The following MAP3K15 variants were observed in gnomAD, a reference collection of about 807,000 sequenced individuals.
MAP3K15 encodes the protein mitogen-activated protein kinase kinase kinase 15.
In MAP3K15, 124 loss-of-function variants were observed where a neutral mutation model predicts 99.5. That is an observed-to-expected ratio of 1.25 (90% CI 1.08 to 1.45). MAP3K15 has a LOEUF of 1.45. Ranked by LOEUF, MAP3K15 falls within the 40% of genes most tolerant of loss-of-function variation. The pLI is 0.00. For missense variants in MAP3K15, 1,242 were observed against 1,079.7 expected (o/e 1.15, Z -2.11); for synonymous variants, 494 against 439.6 (o/e 1.12, Z -1.55).
At chrX:19,498,255 T>G (rs905158711) in intron 1 of MAP3K15, among the ~76,000 whole-genome samples, 11 of 111,264 alleles carry the variant, frequency 9.9e-5, no homozygotes, top group African/African-American at 3.6e-4. Context: ...ACAAAGCACA[T>G]TTCATTCTAC....
chrX:19,512,812 G>A (rs1047551913), intron 1 of MAP3K15, among the ~76,000 whole-genome samples: 1 of 111,228 alleles, frequency 9.0e-6, no homozygotes, highest in African/African-American at 3.3e-5. Flanking sequence ...CATTTTTACC[G>A]TATTCTAATC....
intron 1 of MAP3K15, among the ~76,000 whole-genome samples, chrX:19,493,519 C>T (rs1277598941): frequency 1.8e-5 from 2 of 111,410 alleles, no homozygotes; most frequent in Non-Finnish European, 3.8e-5. Flanking sequence ...ATTCCTAAAA[C>T]ACGAATTTAG....
intron 9 of MAP3K15, among the ~76,000 whole-genome samples, chrX:19,417,470 T>A (rs942721868): frequency 2.7e-5 from 3 of 111,691 alleles, no homozygotes; most frequent in Non-Finnish European, 3.8e-5. Flanking sequence ...GAGATCAAAC[T>A]GCAAGGCGGC....
chrX:19,477,626 C>T (rs1488141803), intron 3 of MAP3K15, among the ~76,000 whole-genome samples: 2 of 89,017 alleles, frequency 2.2e-5, no homozygotes, highest in South Asian at 7.9e-4. Context: ...AGGAGAATCG[C>T]TTGAACCTGG....
At chrX:19,472,740 T>C (rs970688097) in intron 3 of MAP3K15, among the ~76,000 whole-genome samples, 2 of 112,330 alleles carry the variant, frequency 1.8e-5, no homozygotes, top group African/African-American at 3.2e-5. Context: ...AAATTGAAGA[T>C]ACAAGAATCT....
intron 9 of MAP3K15, 129 bp downstream of exon 9, chrX:19,425,402 G>A (rs1703972769): frequency 3.5e-6 from 2 of 564,358 alleles, no homozygotes; most frequent in South Asian, 8.9e-5. Context: ...AATTCTCAGA[G>A]CAGTTGTGTC....
At chrX:19,480,336 T>A (rs961643609) in intron 3 of MAP3K15, among the ~76,000 whole-genome samples, 15 of 110,281 alleles carry the variant, frequency 1.4e-4, no homozygotes, top group Non-Finnish European at 9.5e-5. Flanking sequence ...AAAACAATGT[T>A]GAAAAAGAAC....
At chrX:19,514,210 T>C (rs911117068) in intron 1 of MAP3K15, among the ~76,000 whole-genome samples, 2 of 109,528 alleles carry the variant, frequency 1.8e-5, no homozygotes, top group African/African-American at 6.7e-5. Context: ...GCTTATGTCA[T>C]TGGTCTGGGG....
intron 6 of MAP3K15, among the ~76,000 whole-genome samples, chrX:19,453,394 G>A (rs956348954): frequency 1.8e-5 from 2 of 109,403 alleles, no homozygotes; most frequent in Non-Finnish European, 3.8e-5. Flanking sequence ...CAGCTACTCA[G>A]GGGGCTAAGG....
chrX:19,377,023 G>T (rs184408709), intron 19 of MAP3K15: 2 of 111,866 alleles, frequency 1.8e-5, no homozygotes, highest in East Asian at 5.6e-4. Flanking sequence ...TGAGGTACTG[G>T]GGGTTAGGAC....
intron 9 of MAP3K15, among the ~76,000 whole-genome samples, chrX:19,419,301 G>T (rs1159451709): frequency 1.5e-4 from 16 of 110,329 alleles, no homozygotes; most frequent in East Asian, 2.8e-4. Context: ...CCCATCTCAC[G>T]TGCAGAGACA....
At position 19,514,895 on chromosome X, in the gene MAP3K15, T is replaced by C; in HGVS notation, c.361+6A>G. Reference sequence around the variant, plus strand: ...GGGACTGAGGTGGGGACGAAGCCGCTCTCACCTGCGTCGTAGAAGGCGTCG... The same window carrying C: ...GGGACTGAGGTGGGGACGAAGCCGCCCTCACCTGCGTCGTAGAAGGCGTCG... On this transcript the variant is annotated splice_donor_region_variant and intron_variant, in intron 1 of 28. Coordinates refer to ENST00000338883, the MANE Select transcript of MAP3K15 (RefSeq NM_001001671.4). The C allele has an allele frequency of 1.8e-6, 2 of 1,093,610 alleles. No homozygotes were observed. The highest frequency in any genetic ancestry group is 2.0e-5 in the South Asian group (1 of 50,220). The allele number at this position is 1,093,610 out of a possible 1,213,427, so 90.1% of individuals were successfully genotyped here.
intron 24 of MAP3K15, among the ~76,000 whole-genome samples, chrX:19,370,055 G>A (rs1405705776): frequency 8.9e-6 from 1 of 111,971 alleles, no homozygotes; most frequent in Non-Finnish European, 1.9e-5. Flanking sequence ...GCTGAGCCTG[G>A]GCTACACAGT....
At chrX:19,438,654 A>G (rs193227900) in intron 6 of MAP3K15, among the ~76,000 whole-genome samples, 135 of 111,732 alleles carry the variant, frequency 1.2e-3, no homozygotes, top group African/African-American at 4.2e-3. Context: ...CCTCTTTTCT[A>G]TACTGTGTGT....
chrX:19,416,038 C>A (rs891525557), intron 9 of MAP3K15, among the ~76,000 whole-genome samples: 1 of 112,014 alleles, frequency 8.9e-6, no homozygotes, highest in Non-Finnish European at 1.9e-5. Context: ...CTGCTTAAAA[C>A]TCCACCATGT....
intron 18 of MAP3K15, among the ~76,000 whole-genome samples, chrX:19,386,145 A>T (rs2147238091): frequency 8.9e-6 from 1 of 111,742 alleles, no homozygotes; most frequent in African/African-American, 3.2e-5. Context: ...AATCCTGGAA[A>T]ATTGGGTTTC....
At chrX:19,388,715 T>C (rs2063507934) in intron 18 of MAP3K15, among the ~76,000 whole-genome samples, 1 of 111,526 alleles carries the variant, frequency 9.0e-6, no homozygotes, top group South Asian at 3.8e-4. Context: ...TAGCAAGTGG[T>C]TGGGCCAGGA....
At chrX:19,414,744 T>C (rs932167094) in intron 10 of MAP3K15, among the ~76,000 whole-genome samples, 3 of 112,027 alleles carry the variant, frequency 2.7e-5, no homozygotes, top group East Asian at 5.6e-4. Context: ...TAATTCTTTA[T>C]TGGAGGGGGC....
At position 19,426,651 on chromosome X, in the gene MAP3K15, C is replaced by CA. The variant is rs752688840; in HGVS notation, c.1167-309dup. Among the ~76,000 whole-genome samples the CA allele has an allele frequency of 9.5e-4, 103 of 108,421 alleles. 3 individuals are homozygous for CA. In the East Asian group the frequency reaches 0.017, roughly 18 times the overall value. 94.2% of individuals were successfully genotyped at this position (108,421 alleles called of 115,157 possible). ...CCAAAACGGTGAAACCCCATCTCTG[C>CA]AAAAAAACTACAAAAATTAGCTGGG... is the stretch of plus-strand genomic sequence containing the variant. On this transcript the variant is annotated intron_variant, in intron 7 of 28. Transcript: ENST00000338883.
Sources: gnomAD v4.1 joint callset for allele counts (sites outside exome capture counted in the v4.1 genomes callset) on GRCh38, gnomAD v4.1.1 for gene constraint, MANE v1.5 for transcripts, NCBI Gene and HGNC (gene_info 2026-07-23, HGNC 2026-07-21) for gene names.